Variants in PHACTR2 observed in about 807,000 individuals in gnomAD.
PHACTR2 encodes the protein phosphatase and actin regulator 2.
PHACTR2 carries 30 observed loss-of-function variants against 76.0 expected under a neutral mutation model. That is an observed-to-expected ratio of 0.39 (90% confidence interval 0.30 to 0.54). The LOEUF (loss-of-function observed/expected upper bound fraction) is 0.54, where lower values mean the gene tolerates loss of function less well. Ranked by LOEUF, PHACTR2 falls within the 20% of genes least tolerant of loss-of-function variation. PHACTR2 has a pLI of 0.61. For missense variants in PHACTR2, 696 were observed against 781.1 expected, an observed-to-expected ratio of 0.89 and a Z score of 1.30; for synonymous variants, 292 against 292.5, an observed-to-expected ratio of 1.00 and a Z score of 0.02.
rs928680044 is a variant in PHACTR2 at position 143,826,976 on chromosome 6, TTAG to T, written c.*3291_*3293del. The T allele has an allele frequency of 6.6e-6, 1 of 151,398 alleles. No homozygotes were observed. The highest frequency in any genetic ancestry group is 2.4e-5 in the African/African-American group (1 of 41,194). The allele number at this position is 151,398 out of a possible 1,614,324, so 9.4% of individuals were successfully genotyped here. A position where few individuals can be genotyped will look rare whatever the true frequency, so the allele number is the denominator to read the frequency against. On this transcript the variant is annotated 3_prime_UTR_variant, in exon 13 of 13. Coordinates refer to ENST00000440869, the MANE Select transcript of PHACTR2 (RefSeq NM_001100164.2). The stretch of plus-strand genomic sequence containing the variant: ...CTCTAATGTTAGTAAATATATTCTG[TTAG>T]TAGGAAGTTCTGAAATTGAAGGGAA...
At position 143,700,130 on chromosome 6, in the gene PHACTR2, C is replaced by T. The variant is rs1206341507; in HGVS notation, c.47-11886C>T. On this transcript the variant is annotated intron_variant, in intron 1 of 12. Transcript: ENST00000440869. This position sits in a 1 kb window ranked among gnomAD's most constrained non-coding sequence, Gnocchi z 4.1. ...TATTCTCTGGGCTTTTATTTATCCA[C>T]CAGCCTTTCGACTTAAATATATTGG... 6.6e-6 allele frequency among the ~76,000 whole-genome samples: 1 copy of T among 152,112 alleles called. No individual in the cohort carries two copies. Among genetic ancestry groups the T allele is most frequent in the Non-Finnish European group, 1.5e-5 (1 of 68,022 alleles).
rs1037590730 is a variant in PHACTR2, at chr6:143,789,702, A to G, written c.1845+792A>G. ...TAATCATAAGTACTTTTGCTTAAAC[A>G]TGCCACATCTTAATGCTAAAACTAG... is the stretch of plus-strand genomic sequence containing the variant. On this transcript the variant is annotated intron_variant, in intron 11 of 12. Coordinates refer to ENST00000440869, the MANE Select transcript of PHACTR2 (RefSeq NM_001100164.2). This position sits in a 1 kb window ranked among gnomAD's most constrained non-coding sequence, Gnocchi z 5.1. Among the ~76,000 whole-genome samples, 1 of 152,130 alleles carries G rather than the reference A, an allele frequency of 6.6e-6. No homozygotes were observed. Among genetic ancestry groups the G allele is most frequent in the Non-Finnish European group, 1.5e-5 (1 of 68,028 alleles).
At chr6:143,635,751 G>A (rs1776441680) in intron 1 of PHACTR2, among the ~76,000 whole-genome samples, 1 of 152,060 alleles carries the variant, frequency 6.6e-6, no homozygotes, top group Non-Finnish European at 1.5e-5. Flanking sequence ...ATTTATAATG[G>A]CTCTTTATAT....
At chr6:143,575,753 A>G (rs1329066425) in intron 1 of PHACTR2, among the ~76,000 whole-genome samples, 1 of 152,004 alleles carries the variant, frequency 6.6e-6, no homozygotes, top group African/African-American at 2.4e-5. Context: ...TTATCTTCCA[A>G]TCATTTTAAA....
intron 2 of PHACTR2, among the ~76,000 whole-genome samples, chr6:143,714,945 A>G (rs1778269869): frequency 1.3e-5 from 2 of 152,210 alleles, no homozygotes; most frequent in Non-Finnish European, 2.9e-5. Context: ...CCCAAAGCTA[A>G]GAGTACAAAT....
At chr6:143,792,528 CA>C (rs1252020924) in intron 11 of PHACTR2, among the ~76,000 whole-genome samples, 1 of 152,116 alleles carries the variant, frequency 6.6e-6, no homozygotes, top group Non-Finnish European at 1.5e-5. Context: ...TGATTGAAAA[CA>C]GCAGCTATTT....
chr6:143,752,871 A>C (rs1779216534), intron 3 of PHACTR2, among the ~76,000 whole-genome samples: 2 of 152,164 alleles, frequency 1.3e-5, no homozygotes, highest in Non-Finnish European at 2.9e-5. Flanking sequence ...AATTTTCCAG[A>C]TATAAAGTAG....
rs186002443 is a variant in PHACTR2, at chr6:143,663,562, G to A, written c.14-48454G>A. ...TTTCTTTGTTTTTTTAAATAAATGCGATTAAAGCTTTAAATATAGCTCTAA... is the reference window on the plus strand; with the variant it reads ...TTTCTTTGTTTTTTTAAATAAATGCAATTAAAGCTTTAAATATAGCTCTAA... On this transcript the variant is annotated intron_variant, in intron 1 of 11. Transcript: ENST00000305766. This position sits in a 1 kb window ranked among gnomAD's most constrained non-coding sequence, Gnocchi z 4.1. Among the ~76,000 whole-genome samples, 174 of 151,746 alleles carry A rather than the reference G, an allele frequency of 1.1e-3. 1 individual carries two copies. Among genetic ancestry groups the A allele is most frequent in the African/African-American group, 3.8e-3 (159 of 41,412 alleles).
chr6:143,756,205 G>C (rs1403110722), intron 4 of PHACTR2, among the ~76,000 whole-genome samples: 1 of 152,094 alleles, frequency 6.6e-6, no homozygotes, highest in Non-Finnish European at 1.5e-5. Context: ...ATGGCACGTG[G>C]TGTCCTTCAC....
intron 1 of PHACTR2, among the ~76,000 whole-genome samples, chr6:143,655,360 C>T (rs1312801504): frequency 6.6e-6 from 1 of 152,058 alleles, no homozygotes; most frequent in Non-Finnish European, 1.5e-5. Context: ...GGGTTTCTTA[C>T]TGGGTTGATG....
rs978863559 is a variant in PHACTR2 at position 143,625,898 on chromosome 6, G to A, written c.13+17576G>A. 2.6e-5 allele frequency among the ~76,000 whole-genome samples: 4 copies of A among 152,154 alleles called. No homozygotes were observed. The highest frequency in any genetic ancestry group is 4.1e-4 in the South Asian group (2 of 4,832). ...ATGAAGAAAGGTAAAGCAGAGTGGT[G>A]GGGCAGGGACAACTGAAGAGCTCTT... On this transcript the variant is annotated intron_variant, in intron 1 of 11. Coordinates refer to the PHACTR2 transcript ENST00000305766. The surrounding 1 kb of genome is among the most constrained non-coding windows in gnomAD (Gnocchi z 4.3).
chr6:143,765,941 G>T lies in PHACTR2; in HGVS notation c.1232+143G>T. 1 of 717,866 alleles carries T rather than the reference G, an allele frequency of 1.4e-6. No individual in the cohort carries two copies. The highest frequency in any genetic ancestry group is 2.3e-6 in the Non-Finnish European group (1 of 444,432). 44.5% of individuals were successfully genotyped at this position (717,866 alleles called of 1,614,324 possible). A position where few individuals can be genotyped will look rare whatever the true frequency, so the allele number is the denominator to read the frequency against. On this transcript the variant is annotated intron_variant, in intron 6 of 12. Transcript: ENST00000440869. The surrounding 1 kb of genome is among the most constrained non-coding windows in gnomAD (Gnocchi z 4.1). ...TAGGCATACATGTGATCCAACCATT[G>T]CTTTGTCAGAGCCCTGCCCTGGGAA...
rs190674878 is a variant in PHACTR2 at position 143,608,374 on chromosome 6, C to A, written c.13+52C>A. 1 of 1,588,574 alleles carries A rather than the reference C, an allele frequency of 6.3e-7. No individual in the cohort carries two copies. Among genetic ancestry groups the A allele is most frequent in the Non-Finnish European group, 8.6e-7 (1 of 1,157,048 alleles). On this transcript the variant is annotated intron_variant, in intron 1 of 11. Coordinates refer to the PHACTR2 transcript ENST00000305766. This position sits in a 1 kb window ranked among gnomAD's most constrained non-coding sequence, Gnocchi z 4.6. ...ATAGCTGCTGGCTTCCTTTGCAGCC[C>A]GCATCCTTTACTGCGGAAGGTTTGC...
intron 3 of PHACTR2, among the ~76,000 whole-genome samples, chr6:143,752,177 GAATTA>G (rs953379030): frequency 3.5e-4 from 53 of 151,886 alleles, no homozygotes; most frequent in African/African-American, 1.3e-3. Context: ...GCTTAAAATA[GAATTA>G]AATTGTCATT....
Position 143,557,079 on chromosome 6 carries a change from G to A in PHACTR2, c.217+19872G>A, listed in dbSNP as rs558205597. 2.0e-5 allele frequency among the ~76,000 whole-genome samples: 3 copies of A among 152,242 alleles called. No homozygotes were observed. The highest frequency in any genetic ancestry group is 2.1e-4 in the South Asian group (1 of 4,830). On this transcript the variant is annotated intron_variant, in intron 1 of 11. Transcript: ENST00000367584. The surrounding 1 kb of genome is among the most constrained non-coding windows in gnomAD (Gnocchi z 5.5). ...CCAAAATATGTTCTCCATGTGGTTC[G>A]GCAAGAGGATTCACTTGGTTTGACA...
chr6:143,558,499 T>G lies in PHACTR2; in HGVS notation c.217+21292T>G, dbSNP rs1775213872. ...TACTAGGTTTTAAAAAAATTGAGTG[T>G]CAGATCTGTTATGAGGATGAAATTA... On this transcript the variant is annotated intron_variant, in intron 1 of 11. Transcript: ENST00000367584. The surrounding 1 kb of genome is among the most constrained non-coding windows in gnomAD (Gnocchi z 4.7). 6.6e-6 allele frequency among the ~76,000 whole-genome samples: 1 copy of G among 152,208 alleles called. No homozygotes were observed. The highest frequency in any genetic ancestry group is 1.5e-5 in the Non-Finnish European group (1 of 68,034).
At chr6:143,817,158 A>G (rs1229210109) in intron 12 of PHACTR2, among the ~76,000 whole-genome samples, 2 of 145,730 alleles carry the variant, frequency 1.4e-5, no homozygotes, top group Non-Finnish European at 1.5e-5. Flanking sequence ...TCTTCATCCC[A>G]CAGACATTAC....
intron 1 of PHACTR2, among the ~76,000 whole-genome samples, chr6:143,650,728 C>T (rs1485891422): frequency 6.6e-6 from 1 of 152,088 alleles, no homozygotes; most frequent in African/African-American, 2.4e-5. Context: ...CTATAAAAAT[C>T]CTAGAAGAAA....
chr6:143,756,664 A>G (rs1171344409), intron 4 of PHACTR2, among the ~76,000 whole-genome samples: 1 of 148,260 alleles, frequency 6.7e-6, no homozygotes, highest in Non-Finnish European at 1.5e-5. Flanking sequence ...GCACCACTGC[A>G]CTCCAGCCTG....
Sources: allele counts gnomAD v4.1 joint callset (sites outside exome capture counted in the v4.1 genomes callset), GRCh38; gene constraint gnomAD v4.1.1; non-coding constraint Gnocchi (gnomAD v3.1); transcripts MANE v1.5; gene names NCBI Gene and HGNC (gene_info 2026-07-23, HGNC 2026-07-21).